Variants in DNA2 observed in about 807,000 individuals in gnomAD.
The protein encoded by DNA2 is DNA replication helicase/nuclease 2, also known as DNA replication ATP-dependent helicase/nuclease DNA2.
DNA2 carries 101 observed loss-of-function variants against 119.1 expected under a neutral mutation model. The ratio of observed to expected loss-of-function variants is 0.85; its 90% CI spans 0.72 to 1.00. The LOEUF is 1.00. Ranked by LOEUF, DNA2 falls within the 50% of genes least tolerant of loss-of-function variation. DNA2 has a pLI of 0.00. For missense variants in DNA2, 1,121 were observed against 1,255.5 expected (o/e 0.89, Z 1.62); for synonymous variants, 366 against 424.4 (o/e 0.86, Z 1.69).
At chr10:68,446,251 G>A (rs527246445) in intron 7 of DNA2, 45 bp downstream of exon 7, 4 of 995,700 alleles carry the variant, frequency 4.0e-6, no homozygotes, top group Non-Finnish European at 6.1e-6. Flanking sequence ...AAGCTGAAGT[G>A]GGGGGGTGGG....
At position 68,414,875 on chromosome 10, in the gene DNA2, T is replaced by G; in HGVS notation, c.*164A>C. The G allele has an allele frequency of 2.3e-6, 1 of 436,020 alleles. No homozygotes were observed. 27.0% of individuals were successfully genotyped at this position (436,020 alleles called of 1,614,324 possible). On this transcript the variant is annotated 3_prime_UTR_variant, in exon 21 of 21. Transcript: ENST00000358410. The stretch of plus-strand genomic sequence containing the variant: ...ACTCTTTCTCTAGGTTAGGCAAAAA[T>G]GCATGCATAGAACCCATAAATTCAG...
chr10:68,454,024 T>G (rs2052153392), intron 5 of DNA2, among the ~76,000 whole-genome samples: 1 of 152,220 alleles, frequency 6.6e-6, no homozygotes. Flanking sequence ...TGTGATGCCC[T>G]TCTTCCAGGA....
At chr10:68,470,669 C>T in intron 1 of DNA2, 1 of 419,334 alleles carries the variant, frequency 2.4e-6, no homozygotes, top group South Asian at 1.8e-5. Flanking sequence ...CAAGAAATTT[C>T]TACCACTGGT....
Position 68,435,464 on chromosome 10 carries a change from T to C in DNA2, c.1646+1547A>G, listed in dbSNP as rs181780560. On this transcript the variant is annotated intron_variant, in intron 10 of 20. Coordinates refer to ENST00000358410, the MANE Select transcript of DNA2 (RefSeq NM_001080449.3). Reference sequence around the variant, plus strand: ...AGTAGAATATACATACACATATATATATATATTTTTAGACAGAGTCTCACT... The same window carrying C: ...AGTAGAATATACATACACATATATACATATATTTTTAGACAGAGTCTCACT... 2.4e-3 allele frequency among the ~76,000 whole-genome samples: 366 copies of C among 151,934 alleles called. 1 individual carries two copies. The highest frequency in any genetic ancestry group is 5.3e-3 in the Admixed American group (80 of 15,232).
intron 18 of DNA2, chr10:68,419,541 AT>A: frequency 1.9e-6 from 1 of 521,750 alleles, no homozygotes; most frequent in East Asian, 3.1e-5. Flanking sequence ...AAAATTTCCA[AT>A]TCCTAATCAC....
chr10:68,448,967 G>GTGTGTGTAGTAGTTT (rs1491196026), intron 6 of DNA2, among the ~76,000 whole-genome samples: 1 of 94,344 alleles, frequency 1.1e-5, no homozygotes, highest in African/African-American at 5.4e-5. Context: ...GTGTGTGTGT[G>GTGTGTGTAGTAGTTT]CGTGTGTGTG....
intron 6 of DNA2, among the ~76,000 whole-genome samples, chr10:68,446,864 G>C (rs943785328): frequency 1.3e-5 from 2 of 152,052 alleles, no homozygotes; most frequent in African/African-American, 4.8e-5. Flanking sequence ...GGTGGTGCGG[G>C]GGGAGAAGTG....
In DNA2 at chr10:68,422,595, G is replaced by A. The variant is rs2051679816; in HGVS notation, c.2412C>T (p.Gly804=). The A allele has an allele frequency of 6.2e-7, 1 of 1,613,756 alleles. No individual in the cohort carries two copies. Among genetic ancestry groups the A allele is most frequent in the Non-Finnish European group, 8.5e-7 (1 of 1,179,812 alleles). The change falls in exon 16 of 21, where the codon GGC becomes GGT. Residue 804 remains glycine, a synonymous_variant. Transcript: ENST00000358410. The stretch of plus-strand genomic sequence containing the variant: ...GCCTCTTGAATAAGCTTTCACTCAT[G>A]CCAAGAGCTCTGTCAATAAATCAGA... ...LVLNREARAL[G]MSESLFKRLE... is the part of the protein sequence containing the mutation.
intron 6 of DNA2, among the ~76,000 whole-genome samples, chr10:68,448,033 CA>C (rs2052065810): frequency 6.6e-6 from 1 of 151,688 alleles, no homozygotes; most frequent in African/African-American, 2.4e-5. Context: ...TCATGCTTCT[CA>C]GTTTTACTTA....
At chr10:68,450,004 C>G in intron 6 of DNA2, 24 bp downstream of exon 6, 1 of 1,272,714 alleles carries the variant, frequency 7.9e-7, no homozygotes. Context: ...ATAAAACAGA[C>G]AATTTTCTTA....
chr10:68,456,914 T>C (rs564086148), intron 5 of DNA2, among the ~76,000 whole-genome samples: 239 of 150,754 alleles, frequency 1.6e-3, no homozygotes, highest in South Asian at 5.1e-3. Flanking sequence ...GTGGGCGGAT[T>C]ACAAGGTCAG....
At chr10:68,420,735 C>A (rs1211510212) in intron 17 of DNA2, among the ~76,000 whole-genome samples, 1 of 145,894 alleles carries the variant, frequency 6.9e-6, no homozygotes, top group East Asian at 2.0e-4. Context: ...CAGGAGATTG[C>A]ACCACTGCAC....
intron 4 of DNA2, among the ~76,000 whole-genome samples, chr10:68,462,208 T>C (rs1410821687): frequency 1.3e-5 from 2 of 151,864 alleles, no homozygotes; most frequent in Non-Finnish European, 2.9e-5. Context: ...CTGTCTCTAC[T>C]CACAAACACA....
intron 3 of DNA2, among the ~76,000 whole-genome samples, chr10:68,466,949 G>A (rs1297244532): frequency 6.6e-6 from 1 of 152,104 alleles, no homozygotes; most frequent in African/African-American, 2.4e-5. Context: ...AGCTACTAGG[G>A]AGGCTGAGGT....
Position 68,437,245 on chromosome 10 carries a change from T to C in DNA2, c.1416-4A>G, listed in dbSNP as rs749360493. The C allele has an allele frequency of 6.3e-7, 1 of 1,591,294 alleles. No homozygotes were observed. ...AATGCAACTGCCACTCTTCTCCCTA[T>C]GAAAAGACCAAAGAGAAAAAAACTT... is the stretch of plus-strand genomic sequence containing the variant. On this transcript the variant is annotated splice_polypyrimidine_tract_variant and splice_region_variant and intron_variant, in intron 9 of 20. Transcript: ENST00000358410.
At chr10:68,429,985 C>A (rs1004344188) in intron 14 of DNA2, among the ~76,000 whole-genome samples, 11 of 147,378 alleles carry the variant, frequency 7.5e-5, no homozygotes, top group Non-Finnish European at 1.5e-4. Context: ...CAGGTTCAAA[C>A]GATTCTCCGT....
chr10:68,460,826 G>A (rs994074154), intron 4 of DNA2, among the ~76,000 whole-genome samples: 28 of 151,550 alleles, frequency 1.8e-4, no homozygotes, highest in Admixed American at 2.0e-4. Flanking sequence ...CGGAAGGATC[G>A]TTTCAGCCCA....
chr10:68,439,838 C>CAA (rs371354812), intron 9 of DNA2, among the ~76,000 whole-genome samples: 14,523 of 122,500 alleles, frequency 0.12, 1,173 homozygotes, highest in East Asian at 0.4. Flanking sequence ...AATTCTGTCT[C>CAA]AAAAAAAAAA....
In DNA2 at chr10:68,422,366, T is replaced by G. The variant is rs1337277549; in HGVS notation, c.2556A>C (p.Lys852Asn). The change falls in exon 17 of 21, where the codon AAA (lysine) becomes AAC (asparagine). Residue 852 changes from lysine to asparagine, a missense_variant. Lys to Asn is a moderately conservative substitution (Grantham distance 94, BLOSUM62 0). Coordinates refer to ENST00000358410, the MANE Select transcript of DNA2 (RefSeq NM_001080449.3). ...YEGKLECGSD[K>N]VANAVINLRH... Reference sequence around the variant, plus strand: ...GTAGGTTTATCACTGCATTGGCCACTTTGTCTGATCCACACTCCAGCTTGC... The same window carrying G: ...GTAGGTTTATCACTGCATTGGCCACGTTGTCTGATCCACACTCCAGCTTGC... The G allele has an allele frequency of 6.2e-7, 1 of 1,613,784 alleles. No homozygotes were observed. Among genetic ancestry groups the G allele is most frequent in the African/African-American group, 1.3e-5 (1 of 74,898 alleles).
Sources: allele counts gnomAD v4.1 joint callset (sites outside exome capture counted in the v4.1 genomes callset), GRCh38; gene constraint gnomAD v4.1.1; transcripts MANE v1.5; gene names NCBI Gene and HGNC (gene_info 2026-07-23, HGNC 2026-07-21).